DLGAP1: variants seen among roughly 807,000 people sequenced by gnomAD.
The protein encoded by DLGAP1 is DLG associated protein 1.
DLGAP1 carries 11 observed loss-of-function variants against 90.8 expected under a neutral mutation model. The observed-to-expected ratio is 0.12, with a 90% CI of 0.08 to 0.20. The LOEUF (loss-of-function observed/expected upper bound fraction) is 0.20, where lower values mean the gene tolerates loss of function less well. Among genes scored for constraint, DLGAP1 ranks in the 10% least tolerant of loss-of-function variants. DLGAP1 has a pLI of 1.00. For missense variants in DLGAP1, 1,050 were observed against 1,333.8 expected, an observed-to-expected ratio of 0.79 and a Z score of 3.31; for synonymous variants, 558 against 540.7, an observed-to-expected ratio of 1.03 and a Z score of -0.44.
intron 10 of DLGAP1, among the ~76,000 whole-genome samples, chr18:3,523,699 T>C (rs368766123): frequency 1.3e-5 from 2 of 151,936 alleles, no homozygotes; most frequent in South Asian, 4.2e-4. Flanking sequence ...TACAAAAAAT[T>C]AGCCAGGCGT....
chr18:4,318,087 C>CT (rs1362891852), intron 1 of DLGAP1, among the ~76,000 whole-genome samples: 3 of 152,142 alleles, frequency 2.0e-5, no homozygotes, highest in Non-Finnish European at 4.4e-5. Flanking sequence ...AGTGCTGGGA[C>CT]TACAGGCATG....
chr18:4,374,829 T>C (rs1209725037), intron 1 of DLGAP1, among the ~76,000 whole-genome samples: 1 of 151,732 alleles, frequency 6.6e-6, no homozygotes, highest in Admixed American at 6.6e-5. Flanking sequence ...TATTAGGGAG[T>C]GAAAAAAATA....
intron 2 of DLGAP1, among the ~76,000 whole-genome samples, chr18:4,138,986 A>G (rs1224035450): frequency 1.3e-5 from 2 of 151,454 alleles, no homozygotes; most frequent in African/African-American, 4.8e-5. Context: ...GTTGTAATGT[A>G]TTTTTCCATC....
intron 3 of DLGAP1, among the ~76,000 whole-genome samples, chr18:3,994,622 T>C (rs1164076397): frequency 6.6e-6 from 1 of 152,198 alleles, no homozygotes. Flanking sequence ...TTTATACAAT[T>C]TCAGGCAAAT....
chr18:4,415,576 CT>C (rs1183746456), intron 1 of DLGAP1, among the ~76,000 whole-genome samples: 5 of 152,070 alleles, frequency 3.3e-5, no homozygotes, highest in African/African-American at 1.2e-4. Context: ...CAAATATTAA[CT>C]TTTTTTACTA....
At chr18:4,078,594 TA>T (rs1209153721) in intron 2 of DLGAP1, among the ~76,000 whole-genome samples, 15 of 152,180 alleles carry the variant, frequency 9.9e-5, no homozygotes, top group Non-Finnish European at 1.8e-4. Context: ...ATTGTTTAGA[TA>T]AAAAATGAAC....
At chr18:3,815,493 T>C (rs754417000) in intron 4 of DLGAP1, among the ~76,000 whole-genome samples, 31 of 152,196 alleles carry the variant, frequency 2.0e-4, no homozygotes, top group Admixed American at 1.5e-3. Context: ...TTACCTGGTG[T>C]AGCTACTACT....
chr18:3,818,678 T>C (rs1245816109), intron 4 of DLGAP1, among the ~76,000 whole-genome samples: 2 of 151,772 alleles, frequency 1.3e-5, no homozygotes, highest in East Asian at 3.9e-4. Context: ...CTTAGCTCAC[T>C]GCAACCCCTG....
chr18:4,125,430 A>C (rs2076218018), intron 2 of DLGAP1, among the ~76,000 whole-genome samples: 1 of 152,178 alleles, frequency 6.6e-6, no homozygotes, highest in Admixed American at 6.5e-5. Context: ...CATTCCCATC[A>C]TTAGGGACAA....
intron 3 of DLGAP1, among the ~76,000 whole-genome samples, chr18:3,919,081 C>A (rs1195204087): frequency 1.4e-5 from 2 of 141,174 alleles, no homozygotes; most frequent in Admixed American, 1.3e-4. Flanking sequence ...CAAGAAGACG[C>A]CTGGATATAG....
intron 1 of DLGAP1, among the ~76,000 whole-genome samples, chr18:4,362,198 G>T (rs1412474030): frequency 6.6e-6 from 1 of 152,146 alleles, no homozygotes; most frequent in East Asian, 1.9e-4. Flanking sequence ...ATTAAAAATA[G>T]AATTCCTTTA....
intron 3 of DLGAP1, among the ~76,000 whole-genome samples, chr18:3,881,845 G>A (rs769787219): frequency 1.3e-5 from 2 of 152,098 alleles, no homozygotes; most frequent in Non-Finnish European, 2.9e-5. Context: ...CCCGGGAGGC[G>A]GAGCTTGCAG....
At chr18:4,197,959 C>T (rs1007614641) in intron 1 of DLGAP1, among the ~76,000 whole-genome samples, 6 of 152,232 alleles carry the variant, frequency 3.9e-5, no homozygotes, top group African/African-American at 7.2e-5. Flanking sequence ...CGGTGGCTCA[C>T]GCCTGTAATC....
At chr18:3,742,213 C>CA in intron 6 of DLGAP1, 122 bp downstream of exon 6, 1 of 1,240,728 alleles carries the variant, frequency 8.1e-7, no homozygotes, top group Non-Finnish European at 1.1e-6. Flanking sequence ...ACTGGACCTC[C>CA]TGTCTGATCC....
At chr18:4,024,122 A>G (rs1352429345) in intron 2 of DLGAP1, among the ~76,000 whole-genome samples, 3 of 152,234 alleles carry the variant, frequency 2.0e-5, no homozygotes, top group African/African-American at 4.8e-5. Flanking sequence ...AAACTTTGGA[A>G]GTCAAATTAA....
chr18:4,069,622 A>G (rs2075418596), intron 2 of DLGAP1, among the ~76,000 whole-genome samples: 1 of 152,176 alleles, frequency 6.6e-6, no homozygotes, highest in Non-Finnish European at 1.5e-5. Flanking sequence ...GCCATGTGAC[A>G]TGCCCACTGC....
intron 1 of DLGAP1, among the ~76,000 whole-genome samples, chr18:4,256,728 T>C (rs2078894761): frequency 6.6e-6 from 1 of 152,180 alleles, no homozygotes; most frequent in Non-Finnish European, 1.5e-5. Flanking sequence ...CTGAGAGAAC[T>C]TTCAGTAGTG....
At chr18:3,989,346 G>C (rs562127445) in intron 3 of DLGAP1, among the ~76,000 whole-genome samples, 3 of 152,322 alleles carry the variant, frequency 2.0e-5, no homozygotes, top group Admixed American at 2.0e-4. Flanking sequence ...ACTAATTCCT[G>C]TAGCCTTTAC....
At chr18:3,646,787 T>C (rs915890586) in intron 7 of DLGAP1, among the ~76,000 whole-genome samples, 12 of 151,624 alleles carry the variant, frequency 7.9e-5, no homozygotes, top group East Asian at 1.9e-4. Flanking sequence ...TAGCCGGGCG[T>C]GGTGGTGGGC....
Sources: allele counts gnomAD v4.1 joint callset (sites outside exome capture counted in the v4.1 genomes callset), GRCh38; gene constraint gnomAD v4.1.1; transcripts MANE v1.5; gene names NCBI Gene and HGNC (gene_info 2026-07-23, HGNC 2026-07-21).